RBPMS2: variants seen among roughly 807,000 people sequenced by gnomAD.
RBPMS2 encodes RNA binding protein, mRNA processing factor 2, also known as RNA-binding protein with multiple splicing 2.
A neutral mutation model predicts 25.7 loss-of-function variants in RBPMS2; 14 were observed. That is an observed-to-expected ratio of 0.55 (90% confidence interval 0.36 to 0.85). The LOEUF (loss-of-function observed/expected upper bound fraction) is 0.85, where lower values mean the gene tolerates loss of function less well. RBPMS2 is among the 40% of genes least tolerant of loss of function. The pLI is 0.01. For missense variants in RBPMS2, 252 were observed against 283.4 expected (o/e 0.89, Z 0.80); for synonymous variants, 127 against 115.6 (o/e 1.10, Z -0.63).
intron 1 of RBPMS2, among the ~76,000 whole-genome samples, chr15:64,765,070 C>CA (rs1567070252): frequency 1.4e-5 from 2 of 145,366 alleles, no homozygotes; most frequent in Non-Finnish European, 3.0e-5. Flanking sequence ...ACTAAAAATA[C>CA]AAAAAAATTA....
At chr15:64,766,515 C>T (rs1408351931) in intron 1 of RBPMS2, among the ~76,000 whole-genome samples, 2 of 150,720 alleles carry the variant, frequency 1.3e-5, no homozygotes, top group African/African-American at 4.9e-5. Flanking sequence ...GCCCACAGTT[C>T]TGACTTAATG....
At chr15:64,757,798 A>G (rs1029455585) in intron 1 of RBPMS2, among the ~76,000 whole-genome samples, 1 of 89,198 alleles carries the variant, frequency 1.1e-5, no homozygotes, top group African/African-American at 3.4e-5. Context: ...TGGGCAATAT[A>G]GCAAGGCCCT....
chr15:64,773,720 T>A (rs2141082584), intron 1 of RBPMS2, among the ~76,000 whole-genome samples: 1 of 152,094 alleles, frequency 6.6e-6, no homozygotes, highest in East Asian at 1.9e-4. Context: ...TGGGTCCCCA[T>A]TCAGCTTTAT....
chr15:64,774,716 C>T (rs1400363076), intron 1 of RBPMS2, among the ~76,000 whole-genome samples: 1 of 86,206 alleles, frequency 1.2e-5, no homozygotes, highest in Non-Finnish European at 2.6e-5. Flanking sequence ...ATGACAACAG[C>T]TCGCAGGAAC....
At chr15:64,745,683 G>A (rs939659393) in intron 6 of RBPMS2, among the ~76,000 whole-genome samples, 1 of 152,110 alleles carries the variant, frequency 6.6e-6, no homozygotes, top group Non-Finnish European at 1.5e-5. Flanking sequence ...AGTTGCTTTT[G>A]TGCCTCACCC....
At chr15:64,764,920 CAAAA>C (rs34364733) in intron 1 of RBPMS2, among the ~76,000 whole-genome samples, 3 of 103,360 alleles carry the variant, frequency 2.9e-5, no homozygotes, top group African/African-American at 8.4e-5. Flanking sequence ...GACTCCGTCT[CAAAA>C]AAAAAAAAAA....
intron 1 of RBPMS2, among the ~76,000 whole-genome samples, chr15:64,766,184 T>C (rs2083844441): frequency 1.3e-5 from 2 of 152,276 alleles, no homozygotes; most frequent in South Asian, 2.1e-4. Flanking sequence ...GTGGCCTTGA[T>C]AGCTTGTGAC....
intron 1 of RBPMS2, among the ~76,000 whole-genome samples, chr15:64,754,773 G>C (rs979252192): frequency 3.3e-5 from 5 of 151,696 alleles, no homozygotes; most frequent in Non-Finnish European, 5.9e-5. Flanking sequence ...TGGGTGCTTT[G>C]GGTGCTGGGA....
chr15:64,746,357 C>A (rs1296788834), intron 6 of RBPMS2, among the ~76,000 whole-genome samples: 1 of 152,160 alleles, frequency 6.6e-6, no homozygotes, highest in African/African-American at 2.4e-5. Context: ...CCAAGGGAAC[C>A]CAGACAATAA....
At chr15:64,772,412 T>G (rs1302342297) in intron 1 of RBPMS2, among the ~76,000 whole-genome samples, 2 of 151,838 alleles carry the variant, frequency 1.3e-5, no homozygotes, top group Non-Finnish European at 2.9e-5. Flanking sequence ...GCTCCTCCCC[T>G]TAATTCCTTA....
rs72744733 is a variant in RBPMS2, at chr15:64,749,251, G to A, written c.268-101C>T. On this transcript the variant is annotated intron_variant, in intron 4 of 7. Coordinates refer to ENST00000300069, the MANE Select transcript of RBPMS2 (RefSeq NM_194272.3). ...GCGCCATAAACAAGCTCGCCTCGAA[G>A]ACCTGCCCACACGGTGGCTGAGGCA... 3.1e-3 allele frequency: 4,539 copies of A among 1,448,494 alleles called. 37 individuals carry two copies. The highest frequency in any genetic ancestry group is 0.013 in the Admixed American group (785 of 58,150). The allele number at this position is 1,448,494 out of a possible 1,614,324, so 89.7% of individuals were successfully genotyped here.
At chr15:64,753,685 T>A (rs1449147895) in intron 1 of RBPMS2, among the ~76,000 whole-genome samples, 4 of 152,050 alleles carry the variant, frequency 2.6e-5, no homozygotes, top group Non-Finnish European at 4.4e-5. Flanking sequence ...GGACGCATCT[T>A]CTCCCTTGGG....
intron 6 of RBPMS2, 82 bp from the exon 7 acceptor site, chr15:64,741,324 C>A: frequency 9.3e-7 from 1 of 1,074,064 alleles, no homozygotes; most frequent in South Asian, 1.4e-5. Context: ...CATCGGTGTC[C>A]CCGCTGGAGT....
intron 3 of RBPMS2, among the ~76,000 whole-genome samples, chr15:64,749,873 G>C (rs1022584250): frequency 6.6e-6 from 1 of 152,192 alleles, no homozygotes; most frequent in South Asian, 2.1e-4. Context: ...AAGGGCATGG[G>C]AAGACTCCGG....
chr15:64,742,413 C>A (rs1471916498), intron 6 of RBPMS2, among the ~76,000 whole-genome samples: 2 of 152,230 alleles, frequency 1.3e-5, no homozygotes, highest in East Asian at 1.9e-4. Context: ...TGGAAGTTGC[C>A]TAAACCCTGG....
At chr15:64,748,612 C>G in intron 5 of RBPMS2, 45 bp from the exon 6 acceptor site, 1 of 1,510,070 alleles carries the variant, frequency 6.6e-7, no homozygotes, top group Non-Finnish European at 8.8e-7. Context: ...CACTCGCCTC[C>G]CCTTCCAAAC....
intron 1 of RBPMS2, among the ~76,000 whole-genome samples, chr15:64,753,006 T>A (rs1446474020): frequency 6.6e-6 from 1 of 152,168 alleles, no homozygotes; most frequent in East Asian, 1.9e-4. Flanking sequence ...TGCTGCTATT[T>A]AAACGCTGCT....
chr15:64,762,596 T>C (rs188357950), intron 1 of RBPMS2: 143 of 483,296 alleles, frequency 3.0e-4, no homozygotes, highest in Non-Finnish European at 5.3e-4. Flanking sequence ...ACTGACGAGA[T>C]TCCAAACAAA....
intron 1 of RBPMS2, among the ~76,000 whole-genome samples, chr15:64,764,484 TC>T (rs1435982420): frequency 6.6e-6 from 1 of 152,112 alleles, no homozygotes; most frequent in Non-Finnish European, 1.5e-5. Flanking sequence ...AACATGATGC[TC>T]CTGTCAGGAG....
Sources: gnomAD v4.1 joint callset for allele counts (sites outside exome capture counted in the v4.1 genomes callset) on GRCh38, gnomAD v4.1.1 for gene constraint, MANE v1.5 for transcripts, NCBI Gene and HGNC (gene_info 2026-07-23, HGNC 2026-07-21) for gene names.